Variants in EXOC4 observed in about 807,000 individuals in gnomAD.
EXOC4 encodes the protein SEC8-like 1.
EXOC4 carries 71 observed loss-of-function variants against 107.2 expected under a neutral mutation model. The ratio of observed to expected loss-of-function variants is 0.66; its 90% CI spans 0.55 to 0.81. The LOEUF is 0.81. EXOC4 is among the 30% of genes least tolerant of loss of function. The pLI, the probability that EXOC4 is intolerant of heterozygous loss-of-function variation, is 0.00. For synonymous variants in EXOC4, 456 were observed against 441.2 expected, an observed-to-expected ratio of 1.03 and a Z score of -0.42; for missense variants, 1,108 against 1,189.6, an observed-to-expected ratio of 0.93 and a Z score of 1.01.
intron 7 of EXOC4, among the ~76,000 whole-genome samples, chr7:133,472,086 A>G (rs143004375): frequency 0.01 from 1,538 of 152,336 alleles, 11 homozygotes; most frequent in Middle Eastern, 0.024. Flanking sequence ...GGAAGAGTTA[A>G]GTAATTTTGA....
intron 17 of EXOC4, among the ~76,000 whole-genome samples, chr7:134,057,913 T>C (rs1585359971): frequency 3.3e-5 from 5 of 152,240 alleles, no homozygotes; most frequent in Admixed American, 3.3e-4. Flanking sequence ...GGCTAGTTAG[T>C]AGCGAAGAAT....
chr7:133,807,725 T>G (rs1362755619), intron 10 of EXOC4, among the ~76,000 whole-genome samples: 1 of 152,196 alleles, frequency 6.6e-6, no homozygotes, highest in Non-Finnish European at 1.5e-5. Context: ...CATCCCTTAT[T>G]TATTTATGCA....
intron 14 of EXOC4, among the ~76,000 whole-genome samples, chr7:133,957,556 G>A (rs1332619622): frequency 6.6e-6 from 1 of 152,158 alleles, no homozygotes; most frequent in African/African-American, 2.4e-5. Flanking sequence ...AAATGTTAAT[G>A]TGGCATTTCC....
intron 9 of EXOC4, among the ~76,000 whole-genome samples, chr7:133,516,578 G>A (rs147208458): frequency 2.5e-4 from 38 of 152,102 alleles, no homozygotes; most frequent in Non-Finnish European, 5.4e-4. Flanking sequence ...TTCATGAACT[G>A]TTGATGGGCA....
chr7:133,727,661 G>T, intron 10 of EXOC4: 1 of 154,058 alleles, frequency 6.5e-6, no homozygotes, highest in South Asian at 2.0e-4. Context: ...AGATGCCGTG[G>T]AGCGCACTGC....
intron 9 of EXOC4, among the ~76,000 whole-genome samples, chr7:133,528,027 T>G (rs1368987763): frequency 6.6e-6 from 1 of 152,220 alleles, no homozygotes; most frequent in Non-Finnish European, 1.5e-5. Context: ...GATTTCTGAT[T>G]CATTAGGTCA....
At chr7:133,262,596 C>T (rs1429294181) in intron 1 of EXOC4, among the ~76,000 whole-genome samples, 6 of 152,060 alleles carry the variant, frequency 3.9e-5, no homozygotes, top group African/African-American at 1.4e-4. Context: ...CCATTTAAAA[C>T]CTATTCATTG....
chr7:133,410,975 T>C (rs573610824), intron 7 of EXOC4, among the ~76,000 whole-genome samples: 1 of 152,306 alleles, frequency 6.6e-6, no homozygotes, highest in East Asian at 1.9e-4. Context: ...TCAGTAAATA[T>C]GGACCATTTA....
intron 14 of EXOC4, among the ~76,000 whole-genome samples, chr7:133,966,301 A>C (rs142114011): frequency 0.011 from 1,740 of 152,292 alleles, 29 homozygotes; most frequent in African/African-American, 0.04. Flanking sequence ...CTCTCTTCCT[A>C]TTTGAATATG....
chr7:133,378,443 A>C (rs1455612344), intron 7 of EXOC4, among the ~76,000 whole-genome samples: 3 of 151,710 alleles, frequency 2.0e-5, no homozygotes, highest in African/African-American at 7.3e-5. Flanking sequence ...TTTCCCCCCC[A>C]CATTTCTTGA....
At chr7:133,494,716 G>C (rs1799440019) in intron 9 of EXOC4, among the ~76,000 whole-genome samples, 1 of 152,150 alleles carries the variant, frequency 6.6e-6, no homozygotes, top group Admixed American at 6.5e-5. Flanking sequence ...ACAGAATTTG[G>C]TCTAACTTAT....
In EXOC4 at chr7:133,289,134, G is replaced by A. The variant is rs1584781733; in HGVS notation, c.471+18G>A. 3 of 1,607,914 alleles carry A rather than the reference G, an allele frequency of 1.9e-6. No individual in the cohort carries two copies. Among genetic ancestry groups the A allele is most frequent in the Admixed American group, 1.7e-5 (1 of 59,650 alleles). On this transcript the variant is annotated intron_variant, in intron 3 of 17. Coordinates refer to ENST00000253861, the MANE Select transcript of EXOC4 (RefSeq NM_021807.4). The stretch of plus-strand genomic sequence containing the variant: ...ACATGTTGGTAAGAGAACAGCCTGT[G>A]CTAAGGGTCATTTTTGTTAAGATGT...
At chr7:133,294,857 G>T (rs1794483828) in intron 3 of EXOC4, among the ~76,000 whole-genome samples, 1 of 151,994 alleles carries the variant, frequency 6.6e-6, no homozygotes, top group African/African-American at 2.4e-5. Context: ...GTCAGCATGG[G>T]TCTTAATTTG....
chr7:133,823,937 T>A (rs1407032163), intron 11 of EXOC4, among the ~76,000 whole-genome samples: 2 of 100,694 alleles, frequency 2.0e-5, no homozygotes, highest in Non-Finnish European at 3.8e-5. Context: ...TATATATATA[T>A]TATATATATA....
chr7:133,647,794 A>T (rs1357636247), intron 10 of EXOC4, among the ~76,000 whole-genome samples: 3 of 152,106 alleles, frequency 2.0e-5, no homozygotes, highest in Non-Finnish European at 4.4e-5. Context: ...TTGACTCTGG[A>T]TTATCAAACA....
chr7:133,648,558 T>TA (rs1803050507), intron 10 of EXOC4, among the ~76,000 whole-genome samples: 1 of 152,186 alleles, frequency 6.6e-6, no homozygotes, highest in Non-Finnish European at 1.5e-5. Flanking sequence ...CCTTAGTCCT[T>TA]ATTTTATAGT....
intron 10 of EXOC4, among the ~76,000 whole-genome samples, chr7:133,719,904 AGGAT>A (rs111740110): frequency 0.012 from 1,755 of 151,954 alleles, 29 homozygotes; most frequent in African/African-American, 0.04. Context: ...TTCTCAGGAA[AGGAT>A]GGATGGATGG....
intron 10 of EXOC4, among the ~76,000 whole-genome samples, chr7:133,689,134 T>A (rs1410378502): frequency 1.3e-5 from 2 of 151,992 alleles, no homozygotes; most frequent in Non-Finnish European, 2.9e-5. Context: ...ATAGTAGAGG[T>A]GATTATTCAT....
chr7:133,624,383 A>G (rs1175275863), intron 9 of EXOC4, among the ~76,000 whole-genome samples: 2 of 152,126 alleles, frequency 1.3e-5, no homozygotes, highest in African/African-American at 2.4e-5. Context: ...TAGGAGTTCA[A>G]GACCATCCTG....
Sources: allele counts gnomAD v4.1 joint callset (sites outside exome capture counted in the v4.1 genomes callset), GRCh38; gene constraint gnomAD v4.1.1; transcripts MANE v1.5; gene names NCBI Gene and HGNC (gene_info 2026-07-23, HGNC 2026-07-21).